The following MMP11 variants were observed in gnomAD, a reference collection of about 807,000 sequenced individuals.
The protein encoded by MMP11 is stromelysin-3.
Under a neutral mutation model 49.5 loss-of-function variants are expected in MMP11, and 26 were observed. The ratio of observed to expected loss-of-function variants is 0.52; its 90% CI spans 0.38 to 0.73. The LOEUF (loss-of-function observed/expected upper bound fraction) is 0.73, where lower values mean the gene tolerates loss of function less well. Ranked by LOEUF, MMP11 falls within the 30% of genes least tolerant of loss-of-function variation. MMP11 has a pLI of 0.00. For synonymous variants in MMP11, 265 were observed against 282.3 expected, an observed-to-expected ratio of 0.94 and a Z score of 0.62; for missense variants, 624 against 671.2, an observed-to-expected ratio of 0.93 and a Z score of 0.78.
chr22:23,782,552 G>C (rs1315225669), intron 7 of MMP11, 69 bp downstream of exon 7: 1 of 1,509,240 alleles, frequency 6.6e-7, no homozygotes, highest in East Asian at 2.4e-5. Flanking sequence ...GGTGGTGGCT[G>C]GGCTCCCACA....
rs1485861870 is a variant in MMP11, at chr22:23,772,882, C to T, written c.12C>T (p.Ala4=). 1.4e-5 allele frequency: 16 copies of T among 1,159,706 alleles called. No homozygotes were observed. The highest frequency in any genetic ancestry group is 9.4e-5 in the Admixed American group (2 of 21,260). 71.8% of individuals were successfully genotyped at this position (1,159,706 alleles called of 1,614,324 possible). Reference sequence around the variant, plus strand: ...CAGCCCCGGGGCGGATGGCTCCGGCCGCCTGGCTCCGCAGCGCGGCCGCGC... The same window carrying T: ...CAGCCCCGGGGCGGATGGCTCCGGCTGCCTGGCTCCGCAGCGCGGCCGCGC... MAP[A]AWLRSAAARA... The change falls in exon 1 of 8, where the codon GCC becomes GCT. Residue 4 remains alanine (A), a synonymous_variant. Coordinates refer to ENST00000215743, the MANE Select transcript of MMP11 (RefSeq NM_005940.5).
At position 23,778,124 on chromosome 22, in the gene MMP11, G is replaced by GCTCC. The variant is rs1166323460; in HGVS notation, c.109-1062_109-1059dup. On this transcript the variant is annotated intron_variant, in intron 1 of 7. Transcript: ENST00000215743. ...GCTGAGTCTCTCAGCAAGCAGCACA[G>GCTCC]CTCCATCCCTCTCCTTCAGTGCAGG... Among the ~76,000 whole-genome samples the GCTCC allele has an allele frequency of 1.6e-4, 24 of 152,358 alleles. 1 individual carries two copies. In the East Asian group the frequency reaches 4.6e-3, roughly 29 times the overall value.
chr22:23,782,221 G>A lies in MMP11; in HGVS notation c.1076-5G>A, dbSNP rs200525797. ...CAGGTCCTTGCAGCCTTCCCTCTCC[G>A]GCAGGTGCTCAGTACTGGGTGTACG... On this transcript the variant is annotated splice_polypyrimidine_tract_variant and splice_region_variant and intron_variant, in intron 6 of 7. Transcript: ENST00000215743. The A allele has an allele frequency of 2.0e-4, 325 of 1,607,734 alleles. 1 individual carries two copies. Among genetic ancestry groups the A allele is most frequent in the South Asian group, 4.8e-4 (44 of 90,896 alleles).
At chr22:23,779,741 C>G in intron 2 of MMP11, 1 of 421,976 alleles carries the variant, frequency 2.4e-6, no homozygotes, top group Admixed American at 4.0e-5. Flanking sequence ...CTCTGGGACT[C>G]CACGGTGAAT....
rs1268874210 is a variant in MMP11, at chr22:23,782,682, A to C, written c.1333+199A>C. On this transcript the variant is annotated intron_variant, in intron 7 of 7. Transcript: ENST00000215743. ...TGCAGATGAGGAAACTGAGGGTCAG[A>C]GAAGTGCAAGGTCTTACCCTGGTTT... 4.4e-6 allele frequency: 3 copies of C among 677,060 alleles called. No individual in the cohort carries two copies. The African/African-American group carries it at 5.4e-5, about 12-fold the overall frequency. 41.9% of individuals were successfully genotyped at this position (677,060 alleles called of 1,614,324 possible).
chr22:23,776,379 G>A lies in MMP11; in HGVS notation c.109-2808G>A, dbSNP rs377383981. Among the ~76,000 whole-genome samples the A allele has an allele frequency of 3.7e-4, 56 of 152,352 alleles. No individual in the cohort carries two copies. In the East Asian group the frequency reaches 8.7e-3, roughly 24 times the overall value. On this transcript the variant is annotated intron_variant, in intron 1 of 7. Transcript: ENST00000215743. ...GTAAGTCAAGGGGGCAGTGTGGCGA[G>A]GAGGAGGAGGCAGGCCCCTCTGGCA...
Position 23,781,116 on chromosome 22 carries a change from C to T in MMP11, c.858+16C>T, listed in dbSNP as rs1927610036. ...ACCGCTGGAGGTGAGGCCCTGCCTGCCAGTCCCCCTACTCCTCTGCTGGCC... is the reference window on the plus strand; with the variant it reads ...ACCGCTGGAGGTGAGGCCCTGCCTGTCAGTCCCCCTACTCCTCTGCTGGCC... On this transcript the variant is annotated intron_variant, in intron 5 of 7. Transcript: ENST00000215743. 6.2e-7 allele frequency: 1 copy of T among 1,606,290 alleles called. No individual in the cohort carries two copies. Among genetic ancestry groups the T allele is most frequent in the Admixed American group, 1.7e-5 (1 of 59,946 alleles).
At chr22:23,774,485 A>T (rs1282564390) in intron 1 of MMP11, among the ~76,000 whole-genome samples, 1 of 152,166 alleles carries the variant, frequency 6.6e-6, no homozygotes, top group African/African-American at 2.4e-5. Flanking sequence ...CCCAGTTCCC[A>T]GCTTTCAGGG....
Position 23,783,546 on chromosome 22 carries a change from C to T in MMP11, c.*2C>T, listed in dbSNP as rs940433277. 2.5e-6 allele frequency: 4 copies of T among 1,614,182 alleles called. No individual in the cohort carries two copies. Among genetic ancestry groups the T allele is most frequent in the Non-Finnish European group, 2.5e-6 (3 of 1,180,014 alleles). On this transcript the variant is annotated 3_prime_UTR_variant, in exon 8 of 8. Coordinates refer to ENST00000215743, the MANE Select transcript of MMP11 (RefSeq NM_005940.5). ...GAGCCTGCCAACACTTTCCTCTGAC[C>T]ATGGCTTGGATGCCCTCAGGGGTGC... is the stretch of plus-strand genomic sequence containing the variant.
intron 6 of MMP11, 166 bp from the exon 7 acceptor site, chr22:23,782,060 G>GCTTC: frequency 9.8e-7 from 1 of 1,021,494 alleles, no homozygotes; most frequent in Non-Finnish European, 1.5e-6. Context: ...CAGGCCTCCC[G>GCTTC]CTTCCCTCTG....
intron 1 of MMP11, among the ~76,000 whole-genome samples, chr22:23,775,627 T>C (rs1210204212): frequency 1.3e-5 from 2 of 152,252 alleles, no homozygotes; most frequent in East Asian, 3.8e-4. Context: ...TTTCTAAGAA[T>C]TTAATGAACA....
Position 23,782,970 on chromosome 22 carries a change from G to C in MMP11, c.1334-441G>C, listed in dbSNP as rs28382571. Among the ~76,000 whole-genome samples, 366 of 152,258 alleles carry C rather than the reference G, an allele frequency of 2.4e-3. 1 individual carries two copies. Among genetic ancestry groups the C allele is most frequent in the Middle Eastern group, 6.8e-3 (2 of 294 alleles). On this transcript the variant is annotated intron_variant, in intron 7 of 7. Coordinates refer to ENST00000215743, the MANE Select transcript of MMP11 (RefSeq NM_005940.5). ...GAGCCAGTCCAGTGCTCCCTCCCCT[G>C]CTAGGCTCCTCTTCTGTGCTCTTTC...
chr22:23,782,987 T>C (rs1927697236), intron 7 of MMP11, among the ~76,000 whole-genome samples: 1 of 152,128 alleles, frequency 6.6e-6, no homozygotes, highest in Non-Finnish European at 1.5e-5. Context: ...TCCTCTTCTG[T>C]GCTCTTTCTC....
Position 23,782,498 on chromosome 22 carries a change from A to T in MMP11, c.1333+15A>T. On this transcript the variant is annotated intron_variant, in intron 7 of 7. Coordinates refer to ENST00000215743, the MANE Select transcript of MMP11 (RefSeq NM_005940.5). ...GGATGCTGATGGTGCGTTGGGGGTGAGGCAGCTGGTGGGAGGTGGGCACAG... is the reference window on the plus strand; with the variant it reads ...GGATGCTGATGGTGCGTTGGGGGTGTGGCAGCTGGTGGGAGGTGGGCACAG... 1 of 1,595,148 alleles carries T rather than the reference A, an allele frequency of 6.3e-7. No homozygotes were observed. The highest frequency in any genetic ancestry group is 8.6e-7 in the Non-Finnish European group (1 of 1,169,332).
In MMP11 at chr22:23,772,893, G is replaced by A; in HGVS notation, c.23G>A (p.Arg8His). MAPAAWL[R>H]SAAARALLPP... ...CGGATGGCTCCGGCCGCCTGGCTCC[G>A]CAGCGCGGCCGCGCGCGCCCTCCTG... The change falls in exon 1 of 8, where the codon CGC becomes CAC. Residue 8 changes from arginine (R) to histidine (H), a missense_variant. Transcript: ENST00000215743. 2 of 1,167,670 alleles carry A rather than the reference G, an allele frequency of 1.7e-6. No homozygotes were observed. The highest frequency in any genetic ancestry group is 2.1e-6 in the Non-Finnish European group (2 of 947,586). The allele number at this position is 1,167,670 out of a possible 1,614,324, so 72.3% of individuals were successfully genotyped here.
At chr22:23,779,148 T>C (rs763118860) in intron 1 of MMP11, 39 bp from the exon 2 acceptor site, 19 of 1,492,488 alleles carry the variant, frequency 1.3e-5, no homozygotes, top group Non-Finnish European at 1.7e-5. Flanking sequence ...CATGTGGACC[T>C]TAGGCCTGAC....
At position 23,782,246 on chromosome 22, in the gene MMP11, G is replaced by A. The variant is rs1038416760; in HGVS notation, c.1096G>A (p.Asp366Asn). Residue 366 changes from aspartate (D) to asparagine (N), a missense_variant, in exon 7 of 8, where the codon GAC becomes AAC. Transcript: ENST00000215743. Reference protein sequence around the residue: ...FFQGAQYWVYDGEKPVLGPAP... With the variant: ...FFQGAQYWVYNGEKPVLGPAP... ...GGCAGGTGCTCAGTACTGGGTGTAC[G>A]ACGGTGAAAAGCCAGTCCTGGGCCC... The A allele has an allele frequency of 3.3e-5, 54 of 1,613,270 alleles. No homozygotes were observed. The highest frequency in any genetic ancestry group is 2.4e-4 in the African/African-American group (18 of 74,822).
chr22:23,777,347 C>T (rs926153326), intron 1 of MMP11, among the ~76,000 whole-genome samples: 6 of 151,676 alleles, frequency 4.0e-5, no homozygotes, highest in African/African-American at 1.2e-4. Context: ...GCAGGCGGAT[C>T]ACAAGGTCAG....
chr22:23,774,499 A>G (rs1927342436), intron 1 of MMP11, among the ~76,000 whole-genome samples: 1 of 152,128 alleles, frequency 6.6e-6, no homozygotes, highest in South Asian at 2.1e-4. Context: ...TTCAGGGTTG[A>G]TGGAAGCCCT....
Sources: allele counts gnomAD v4.1 joint callset (sites outside exome capture counted in the v4.1 genomes callset), GRCh38; gene constraint gnomAD v4.1.1; transcripts MANE v1.5; gene names NCBI Gene and HGNC (gene_info 2026-07-23, HGNC 2026-07-21).